The following DPYSL2 variants were observed in gnomAD, a reference collection of about 807,000 sequenced individuals.
DPYSL2 encodes dihydropyrimidinase-related protein 2.
Under a neutral mutation model 69.9 loss-of-function variants are expected in DPYSL2, and 13 were observed. The observed-to-expected ratio is 0.19, with a 90% CI of 0.12 to 0.30. The LOEUF is 0.30. Ranked by LOEUF, DPYSL2 falls within the 10% of genes least tolerant of loss-of-function variation. The pLI is 1.00. For missense variants in DPYSL2, 587 were observed against 918.9 expected (o/e 0.64, Z 4.67); for synonymous variants, 326 against 359.1 (o/e 0.91, Z 1.04).
At chr8:26,599,173 G>A (rs543861508) in intron 3 of DPYSL2, among the ~76,000 whole-genome samples, 9 of 152,312 alleles carry the variant, frequency 5.9e-5, no homozygotes, top group African/African-American at 1.9e-4. Flanking sequence ...CCACTCTGCG[G>A]TATTTCCTGG....
At chr8:26,554,778 A>C (rs1800919048) in intron 1 of DPYSL2, among the ~76,000 whole-genome samples, 1 of 152,226 alleles carries the variant, frequency 6.6e-6, no homozygotes, top group African/African-American at 2.4e-5. Context: ...CTATGAGGCC[A>C]AAATTACCCT....
rs116414462 is a variant in DPYSL2, at chr8:26,614,054, C to T, written c.629-10089C>T. On this transcript the variant is annotated intron_variant, in intron 3 of 13. Transcript: ENST00000521913. This position sits in a 1 kb window ranked among gnomAD's most constrained non-coding sequence, Gnocchi z 4.9. ...TTGAGGTGGGAGGATCGCTTGAGTC[C>T]TGGAAATCAAGGCTGCGGTCAGCCA... is the stretch of plus-strand genomic sequence containing the variant. 6.2e-3 allele frequency among the ~76,000 whole-genome samples: 937 copies of T among 152,212 alleles called. 10 individuals carry two copies. Among genetic ancestry groups the T allele is most frequent in the African/African-American group, 0.022 (903 of 41,534 alleles).
At chr8:26,574,597 T>A (rs1291020373) in intron 1 of DPYSL2, among the ~76,000 whole-genome samples, 1 of 152,178 alleles carries the variant, frequency 6.6e-6, no homozygotes, top group Non-Finnish European at 1.5e-5. Flanking sequence ...CAATTTTACA[T>A]TGCTTTCTCA....
chr8:26,608,736 T>C (rs1328919136), intron 3 of DPYSL2, among the ~76,000 whole-genome samples: 1 of 152,178 alleles, frequency 6.6e-6, no homozygotes, highest in African/African-American at 2.4e-5. Flanking sequence ...CAGCCCGAGA[T>C]GAGAAGCGCA....
intron 1 of DPYSL2, among the ~76,000 whole-genome samples, chr8:26,539,671 C>G (rs1238202115): frequency 6.6e-6 from 1 of 152,174 alleles, no homozygotes; most frequent in African/African-American, 2.4e-5. Context: ...TCCCGAGTAG[C>G]TGGGACTACA....
intron 1 of DPYSL2, among the ~76,000 whole-genome samples, chr8:26,574,245 G>T (rs1038893097): frequency 6.6e-6 from 1 of 151,928 alleles, no homozygotes; most frequent in Non-Finnish European, 1.5e-5. Context: ...TGTAGATTAG[G>T]GAGGGCACAC....
At position 26,647,897 on chromosome 8, in the gene DPYSL2, T is replaced by C; in HGVS notation, c.1596+97T>C. 7.0e-7 allele frequency: 1 copy of C among 1,423,174 alleles called. No individual in the cohort carries two copies. The highest frequency in any genetic ancestry group is 9.4e-7 in the Non-Finnish European group (1 of 1,058,970). 88.2% of individuals were successfully genotyped at this position (1,423,174 alleles called of 1,614,324 possible). On this transcript the variant is annotated intron_variant, in intron 11 of 13. Transcript: ENST00000521913. This position sits in a 1 kb window ranked among gnomAD's most constrained non-coding sequence, Gnocchi z 5.1. The stretch of plus-strand genomic sequence containing the variant: ...CCCAGGGTTTCTAAAAAGAACTTGC[T>C]GTGATGGGAATGCGCTCGACTGAGG...
intron 1 of DPYSL2, among the ~76,000 whole-genome samples, chr8:26,523,662 T>A (rs1585487510): frequency 6.6e-6 from 1 of 152,152 alleles, no homozygotes; most frequent in Non-Finnish European, 1.5e-5. Flanking sequence ...TTACTTTTTT[T>A]TTCTTTTTTT....
At chr8:26,630,915 TGG>T (rs1802757057) in intron 7 of DPYSL2, among the ~76,000 whole-genome samples, 1 of 152,198 alleles carries the variant, frequency 6.6e-6, no homozygotes, top group Non-Finnish European at 1.5e-5. Flanking sequence ...GTTTGGTGAC[TGG>T]GAGCCAGTCC....
In DPYSL2 at chr8:26,617,623, A is replaced by G. The variant is rs1802384718; in HGVS notation, c.629-6520A>G. On this transcript the variant is annotated intron_variant, in intron 3 of 13. Transcript: ENST00000521913. The surrounding 1 kb of genome is among the most constrained non-coding windows in gnomAD (Gnocchi z 4.7). ...TTTACTTTGTGTCTCACACTTTGCT[A>G]ATATCCAAAATGCAGAACATTAGGG... Among the ~76,000 whole-genome samples the G allele has an allele frequency of 6.6e-6, 1 of 152,256 alleles. No homozygotes were observed. Among genetic ancestry groups the G allele is most frequent in the African/African-American group, 2.4e-5 (1 of 41,464 alleles).
At chr8:26,573,455 T>C (rs1159843771) in intron 1 of DPYSL2, among the ~76,000 whole-genome samples, 6 of 151,640 alleles carry the variant, frequency 4.0e-5, no homozygotes, top group Non-Finnish European at 8.8e-5. Flanking sequence ...GATCACGAGG[T>C]CAGGAGATCG....
chr8:26,636,797 G>T (rs773507951), intron 8 of DPYSL2, among the ~76,000 whole-genome samples: 1 of 152,110 alleles, frequency 6.6e-6, no homozygotes. Flanking sequence ...CAGGCGTGCA[G>T]TGGTGCCATC....
In DPYSL2 at chr8:26,514,568, G is replaced by A. The variant is rs1563370734; in HGVS notation, c.243G>A (p.Pro81=). 1.3e-6 allele frequency: 2 copies of A among 1,526,982 alleles called. No individual in the cohort carries two copies. The highest frequency in any genetic ancestry group is 1.4e-5 in the African/African-American group (1 of 72,384). 94.6% of individuals were successfully genotyped at this position (1,526,982 alleles called of 1,614,324 possible). The change falls in exon 1 of 14, where the codon CCG becomes CCA. Residue 81 remains proline, a synonymous_variant. Coordinates refer to ENST00000521913, the MANE Select transcript of DPYSL2 (RefSeq NM_001197293.3). The surrounding 1 kb of genome is among the most constrained non-coding windows in gnomAD (Gnocchi z 8.4). ...ACTTGGGCCCGGACCCGCAGCCGCC[G>A]TACTCGCGGCAGGGCCGGCGCGCCG... ...VAHLGPDPQP[P]YSRQGRRAGG...
At chr8:26,579,302 A>ACCTCTCCCCTGCTCCCTC (rs1409745056) in intron 1 of DPYSL2, among the ~76,000 whole-genome samples, 2 of 152,098 alleles carry the variant, frequency 1.3e-5, no homozygotes, top group Non-Finnish European at 2.9e-5. Context: ...TCTTGCTCCC[A>ACCTCTCCCCTGCTCCCTC]CCTCTCCCCT....
chr8:26,523,091 G>T (rs1164573035), intron 1 of DPYSL2, among the ~76,000 whole-genome samples: 1 of 151,506 alleles, frequency 6.6e-6, no homozygotes. Flanking sequence ...TGAAGATCTT[G>T]TTCATATGTA....
rs1040277257 is a variant in DPYSL2, at chr8:26,593,772, G to T, written c.628+9789G>T. 2.0e-5 allele frequency among the ~76,000 whole-genome samples: 3 copies of T among 152,170 alleles called. No individual in the cohort carries two copies. Among genetic ancestry groups the T allele is most frequent in the Non-Finnish European group, 4.4e-5 (3 of 68,028 alleles). On this transcript the variant is annotated intron_variant, in intron 3 of 13. Coordinates refer to ENST00000521913, the MANE Select transcript of DPYSL2 (RefSeq NM_001197293.3). This position sits in a 1 kb window ranked among gnomAD's most constrained non-coding sequence, Gnocchi z 5.7. Reference sequence around the variant, plus strand: ...GCAGAGGGGAACTGGAATGTGGACTGCTGTCCCCAGCCTGTGGCCACCTGC... The same window carrying T: ...GCAGAGGGGAACTGGAATGTGGACTTCTGTCCCCAGCCTGTGGCCACCTGC...
chr8:26,625,873 C>T (rs1305782098), intron 4 of DPYSL2, among the ~76,000 whole-genome samples: 2 of 152,116 alleles, frequency 1.3e-5, no homozygotes, highest in African/African-American at 4.8e-5. Flanking sequence ...AGTGTGTGTG[C>T]AGTTCATTGT....
At chr8:26,570,512 G>A (rs1801219237) in intron 1 of DPYSL2, among the ~76,000 whole-genome samples, 1 of 152,096 alleles carries the variant, frequency 6.6e-6, no homozygotes. Flanking sequence ...GCTGAGGTGG[G>A]CAGATCACGA....
intron 3 of DPYSL2, among the ~76,000 whole-genome samples, chr8:26,601,162 C>G (rs1448709190): frequency 6.6e-6 from 1 of 152,198 alleles, no homozygotes; most frequent in Non-Finnish European, 1.5e-5. Flanking sequence ...TTGCTCACAG[C>G]TGCTCCCTCC....
Sources: gnomAD v4.1 joint callset for allele counts (sites outside exome capture counted in the v4.1 genomes callset) on GRCh38, gnomAD v4.1.1 for gene constraint, Gnocchi (gnomAD v3.1) non-coding constraint, MANE v1.5 for transcripts, NCBI Gene and HGNC (gene_info 2026-07-23, HGNC 2026-07-21) for gene names.